Variants in VPS13C observed in about 807,000 individuals in gnomAD.
The protein encoded by VPS13C is vacuolar protein sorting 13 homolog C.
A neutral mutation model predicts 456.8 loss-of-function variants in VPS13C; 358 were observed. The ratio of observed to expected loss-of-function variants is 0.78; its 90% CI spans 0.72 to 0.86. The LOEUF (loss-of-function observed/expected upper bound fraction) is 0.86, where lower values mean the gene tolerates loss of function less well. Among genes scored for constraint, VPS13C ranks in the 40% least tolerant of loss-of-function variants. The pLI is 0.00. For missense variants in VPS13C, 4,818 were observed against 4,385.4 expected (o/e 1.10, Z -2.79); for synonymous variants, 1,578 against 1,486.7 (o/e 1.06, Z -1.41).
intron 15 of VPS13C, among the ~76,000 whole-genome samples, chr15:62,005,934 C>T (rs960201944): frequency 3.3e-5 from 5 of 151,440 alleles, no homozygotes; most frequent in East Asian, 1.9e-4. Flanking sequence ...CAATTCCAGA[C>T]CTCAGGTGAT....
chr15:62,028,989 C>T (rs553590810), intron 5 of VPS13C, among the ~76,000 whole-genome samples: 4 of 152,138 alleles, frequency 2.6e-5, no homozygotes, highest in African/African-American at 9.6e-5. Context: ...TAAATCATAA[C>T]TCTGATCATG....
chr15:61,854,992 C>T (rs746165287), intron 83 of VPS13C, 38 bp from the exon 84 acceptor site: 2 of 1,546,176 alleles, frequency 1.3e-6, no homozygotes, highest in Admixed American at 4.4e-5. Flanking sequence ...AGAAATTATT[C>T]TGAGGAAGAA....
chr15:62,021,125 A>G (rs560160428), intron 8 of VPS13C, among the ~76,000 whole-genome samples: 1 of 152,004 alleles, frequency 6.6e-6, no homozygotes, highest in East Asian at 1.9e-4. Flanking sequence ...AATAATACAC[A>G]TTGGAGACTT....
At position 62,028,365 on chromosome 15, in the gene VPS13C, G is replaced by A. The variant is rs1268738797; in HGVS notation, c.441C>T (p.Ile147=). ...YGLENFVYKD[I]KPGRKRKKHK... ...TTAACCATGCATACCCACCAGGCTT[G>A]ATGTCCTTGTAAACAAAGTTCTCCA... The change falls in exon 6 of 85, where the codon ATC becomes ATT. Residue 147 remains isoleucine (I), a synonymous_variant. Coordinates refer to ENST00000644861, the MANE Select transcript of VPS13C (RefSeq NM_020821.3). 6.2e-7 allele frequency: 1 copy of A among 1,612,906 alleles called. No homozygotes were observed. The highest frequency in any genetic ancestry group is 1.1e-5 in the South Asian group (1 of 91,028).
At chr15:61,990,594 T>A (rs2046194912) in intron 18 of VPS13C, among the ~76,000 whole-genome samples, 1 of 152,112 alleles carries the variant, frequency 6.6e-6, no homozygotes, top group African/African-American at 2.4e-5. Context: ...GCAGGTCACC[T>A]GAGGTCAGGA....
intron 81 of VPS13C, chr15:61,866,623 T>C (rs1417167819): frequency 1.0e-6 from 1 of 985,064 alleles, no homozygotes; most frequent in East Asian, 1.1e-4. Flanking sequence ...GTGACATTTT[T>C]GCCAATGCTA....
rs1241417549 is a variant in VPS13C, at chr15:61,973,534, T to C, written c.2539-2A>G. 2 of 1,610,114 alleles carry C rather than the reference T, an allele frequency of 1.2e-6. No homozygotes were observed. Among genetic ancestry groups the C allele is most frequent in the African/African-American group, 2.7e-5 (2 of 74,830 alleles). ...TGAAATAATAGGAATTGAGGATACC[T>C]AGCAAAGAATACAAAAAGTTTTCTT... On this transcript the variant is annotated splice_acceptor_variant, in intron 25 of 84. Transcript: ENST00000644861. LOFTEE classifies it high-confidence loss of function.
chr15:61,961,430 CACACACACACACAA>C (rs1372457281), intron 35 of VPS13C, among the ~76,000 whole-genome samples, 145 bp downstream of exon 35: 1 of 138,246 alleles, frequency 7.2e-6, no homozygotes, highest in African/African-American at 2.8e-5. Context: ...CACACACACA[CACACACACACACAA>C]AACAATGACA....
intron 24 of VPS13C, among the ~76,000 whole-genome samples, chr15:61,975,633 T>A (rs1596407623): frequency 6.6e-6 from 1 of 152,018 alleles, no homozygotes; most frequent in East Asian, 1.9e-4. Context: ...AATTTGTAGT[T>A]AAATACCTCT....
chr15:61,880,559 A>C, intron 73 of VPS13C, 50 bp downstream of exon 73: 1 of 1,317,952 alleles, frequency 7.6e-7, no homozygotes, highest in Non-Finnish European at 1.0e-6. Context: ...ACCCTTTAAA[A>C]AGTTCTACAA....
intron 3 of VPS13C, among the ~76,000 whole-genome samples, chr15:62,040,935 T>C (rs1307517084): frequency 2.6e-5 from 4 of 152,096 alleles, no homozygotes; most frequent in South Asian, 2.1e-4. Context: ...GTGAAAATGG[T>C]TGAACAAAAC....
chr15:61,919,610 A>C (rs1260549757), intron 57 of VPS13C, among the ~76,000 whole-genome samples, 161 bp from the exon 58 acceptor site: 1 of 152,004 alleles, frequency 6.6e-6, no homozygotes, highest in African/African-American at 2.4e-5. Flanking sequence ...AAAGAAGACC[A>C]GTTACTGTTA....
At position 61,972,885 on chromosome 15, in the gene VPS13C, A is replaced by G; in HGVS notation, c.2618-121T>C. 2.8e-6 allele frequency: 3 copies of G among 1,087,870 alleles called. No individual in the cohort carries two copies. The East Asian group carries it at 7.6e-5, about 28-fold the overall frequency. The allele number at this position is 1,087,870 out of a possible 1,614,324, so 67.4% of individuals were successfully genotyped here. A position where few individuals can be genotyped will look rare whatever the true frequency, so the allele number is the denominator to read the frequency against. On this transcript the variant is annotated intron_variant, in intron 26 of 84. Coordinates refer to ENST00000644861, the MANE Select transcript of VPS13C (RefSeq NM_020821.3). ...ATTAGATATAATCTTCATATTCAGC[A>G]TCAGAATAGCTGCCTTTTTTAAACT...
chr15:61,874,736 T>A, intron 77 of VPS13C, 140 bp downstream of exon 77: 1 of 682,380 alleles, frequency 1.5e-6, no homozygotes, highest in Middle Eastern at 4.6e-4. Flanking sequence ...TTTAAAAACA[T>A]GGGAAACATG....
intron 63 of VPS13C, among the ~76,000 whole-genome samples, chr15:61,911,068 A>G (rs1020520849): frequency 3.3e-5 from 5 of 152,168 alleles, no homozygotes; most frequent in African/African-American, 9.7e-5. Context: ...CTTTTGCCAA[A>G]TATTTCTTAA....
Position 61,934,272 on chromosome 15 carries a change from CA to C in VPS13C, c.5814del (p.Phe1938LeufsTer52). The C allele has an allele frequency of 6.3e-7, 1 of 1,598,264 alleles. No homozygotes were observed. Among genetic ancestry groups the C allele is most frequent in the Non-Finnish European group, 8.5e-7 (1 of 1,171,322 alleles). On this transcript the variant is annotated frameshift_variant, in exon 49 of 85. Transcript: ENST00000644861. LOFTEE classifies it high-confidence loss of function. ...ATGGAAAGAGATTCAAAGTGAAAGTCAAATTGGAGACTGACAATCTGGTTCA... is the reference window on the plus strand; with the variant it reads ...ATGGAAAGAGATTCAAAGTGAAAGTCAATTGGAGACTGACAATCTGGTTCA... ...LSMNQIVSLQ[F>X]DFHFESLSII...
chr15:61,983,989 C>T lies in VPS13C; in HGVS notation c.1745G>A (p.Trp582Ter). ...CTGCTGTCTCAAACCTGTTATATAC[C>T]AGTGTTCTAATTTCGCTTCTACCCT... Reference protein sequence around the residue: ...ALKVEAKLEHWYITGLRQQDI... With the variant: ...ALKVEAKLEH The change falls in exon 20 of 85, where the codon TGG becomes TAG. Residue 582 changes from tryptophan (W) to a stop codon, truncating the protein, a stop_gained. Transcript: ENST00000644861. LOFTEE classifies it high-confidence loss of function. 1 of 1,613,734 alleles carries T rather than the reference C, an allele frequency of 6.2e-7. No homozygotes were observed. The highest frequency in any genetic ancestry group is 8.5e-7 in the Non-Finnish European group (1 of 1,179,838).
intron 35 of VPS13C, among the ~76,000 whole-genome samples, chr15:61,960,122 A>G (rs1297545949): frequency 6.6e-6 from 1 of 152,212 alleles, no homozygotes; most frequent in Non-Finnish European, 1.5e-5. Flanking sequence ...TTCATGTGCC[A>G]CCTGGTATGA....
Position 61,915,745 on chromosome 15 carries a change from G to A in VPS13C, c.8333C>T (p.Thr2778Ile), listed in dbSNP as rs2043450846. ...VFSPYWLINKTTRVLQYRSED... is the reference protein window; with the variant it reads ...VFSPYWLINKITRVLQYRSED... ...TGAACGATACTGGAGAACCCGGGTA[G>A]TCTTGTTGATTAACCAATAGGGACT... Residue 2778 changes from threonine (T) to isoleucine (I), a missense_variant, in exon 61 of 85, where the codon ACT (threonine) becomes ATT (isoleucine). Physicochemically the swap from Thr to Ile is moderately conservative, Grantham distance 89 (BLOSUM62 -1). Coordinates refer to ENST00000644861, the MANE Select transcript of VPS13C (RefSeq NM_020821.3). 1 of 1,614,186 alleles carries A rather than the reference G, an allele frequency of 6.2e-7. No individual in the cohort carries two copies. Among genetic ancestry groups the A allele is most frequent in the Non-Finnish European group, 8.5e-7 (1 of 1,180,038 alleles).
Sources: gnomAD v4.1 joint callset for allele counts (sites outside exome capture counted in the v4.1 genomes callset) on GRCh38, gnomAD v4.1.1 for gene constraint, MANE v1.5 for transcripts, NCBI Gene and HGNC (gene_info 2026-07-23, HGNC 2026-07-21) for gene names.